YWHAE: variants seen among roughly 807,000 people sequenced by gnomAD.
YWHAE encodes the protein tyrosine 3-monooxygenase/tryptophan 5-monooxygenase activation protein epsilon.
A neutral mutation model predicts 30.1 loss-of-function variants in YWHAE; 4 were observed. The ratio of observed to expected loss-of-function variants is 0.13; its 90% confidence interval spans 0.07 to 0.30. The LOEUF (loss-of-function observed/expected upper bound fraction) is 0.30. Among genes scored for constraint, YWHAE ranks in the 10% least tolerant of loss-of-function variants. The pLI is 1.00. For missense variants in YWHAE, 121 were observed against 315.9 expected (o/e 0.38, Z 4.68); for synonymous variants, 118 against 111.8 (o/e 1.06, Z -0.35).
intron 1 of YWHAE, among the ~76,000 whole-genome samples, chr17:1,395,106 A>C (rs1175558652): frequency 1.3e-5 from 2 of 151,696 alleles, no homozygotes; most frequent in African/African-American, 2.4e-5. Flanking sequence ...AAAAAAAAAC[A>C]ATCAGGCCGG....
At chr17:1,393,785 T>C (rs539741021) in intron 1 of YWHAE, among the ~76,000 whole-genome samples, 20 of 152,286 alleles carry the variant, frequency 1.3e-4, no homozygotes, top group Admixed American at 1.2e-3. Flanking sequence ...AGGTGACATC[T>C]GCCTACAATA....
rs1343233143 is a variant in YWHAE, at chr17:1,387,773, C to A, written c.64+12274G>T. ...GAATAGCTGAGATTACAAGCGCACG[C>A]CACCACGCCCGTCTAATTTTTTGTA... On this transcript the variant is annotated intron_variant, in intron 1 of 5. Coordinates refer to ENST00000264335, the MANE Select transcript of YWHAE (RefSeq NM_006761.5). Among the ~76,000 whole-genome samples, 15 of 151,642 alleles carry A rather than the reference C, an allele frequency of 9.9e-5. No homozygotes were observed. In the East Asian group the frequency reaches 2.9e-3, roughly 29 times the overall value.
At chr17:1,387,419 CTT>C (rs2073315437) in intron 1 of YWHAE, among the ~76,000 whole-genome samples, 1 of 152,118 alleles carries the variant, frequency 6.6e-6, no homozygotes, top group Non-Finnish European at 1.5e-5. Context: ...AAGTCTGAAT[CTT>C]TTTACAGTTT....
At chr17:1,351,657 C>A (rs577422694) in intron 5 of YWHAE, among the ~76,000 whole-genome samples, 18 of 152,234 alleles carry the variant, frequency 1.2e-4, no homozygotes, top group Non-Finnish European at 1.6e-4. Context: ...GAAGAGATGG[C>A]ATCTCGTTCA....
chr17:1,356,459 T>G (rs2072744425), intron 4 of YWHAE, among the ~76,000 whole-genome samples: 1 of 152,146 alleles, frequency 6.6e-6, no homozygotes, highest in South Asian at 2.1e-4. Flanking sequence ...TGAACTAATC[T>G]CAATGGATAA....
intron 1 of YWHAE, among the ~76,000 whole-genome samples, chr17:1,395,949 T>C (rs1364338269): frequency 2.6e-5 from 4 of 151,936 alleles, no homozygotes; most frequent in Non-Finnish European, 2.9e-5. Flanking sequence ...CGAAACCCCA[T>C]CTCTACTAAA....
intron 1 of YWHAE, chr17:1,399,841 G>A: frequency 2.0e-6 from 1 of 500,278 alleles, no homozygotes; most frequent in Non-Finnish European, 3.5e-6. Context: ...CGAGTTGTTT[G>A]CAGTTAAGGA....
chr17:1,388,205 C>T (rs1480951020), intron 1 of YWHAE, among the ~76,000 whole-genome samples: 1 of 143,354 alleles, frequency 7.0e-6, no homozygotes, highest in East Asian at 2.1e-4. Context: ...TCGTGATCTG[C>T]CCTCCTCGGC....
At chr17:1,375,742 A>G (rs1434042179) in intron 1 of YWHAE, among the ~76,000 whole-genome samples, 1 of 152,220 alleles carries the variant, frequency 6.6e-6, no homozygotes, top group Non-Finnish European at 1.5e-5. Context: ...ACCACATGGA[A>G]CCAGCTTGTG....
chr17:1,353,398 A>G (rs2072670222), intron 5 of YWHAE, among the ~76,000 whole-genome samples: 1 of 145,708 alleles, frequency 6.9e-6, no homozygotes, highest in African/African-American at 2.6e-5. Context: ...AGATCGCGCC[A>G]CTGCACTCCA....
intron 1 of YWHAE, among the ~76,000 whole-genome samples, chr17:1,380,761 T>C (rs2150867835): frequency 6.6e-6 from 1 of 152,280 alleles, no homozygotes. Flanking sequence ...ACCCAGACTT[T>C]CCATTCTTAC....
chr17:1,388,582 T>C (rs1228305409), intron 1 of YWHAE, among the ~76,000 whole-genome samples: 2 of 151,502 alleles, frequency 1.3e-5, no homozygotes, highest in African/African-American at 2.4e-5. Context: ...GCCTTTTTTT[T>C]TTTTTTTTTA....
rs2072482021 is a variant in YWHAE at position 1,344,374 on chromosome 17, C to CCAGA, written c.*1069_*1072dup. 1 of 172,210 alleles carries CCAGA rather than the reference C, an allele frequency of 5.8e-6. No individual in the cohort carries two copies. The highest frequency in any genetic ancestry group is 1.3e-5 in the Non-Finnish European group (1 of 79,520). The allele number at this position is 172,210 out of a possible 1,614,324, so 10.7% of individuals were successfully genotyped here. ...TCAACTGACTCAGTGTTCTTCACAACCAGACTACAGGCAATTTTTTTCCAA... is the reference window on the plus strand; with the variant it reads ...TCAACTGACTCAGTGTTCTTCACAACCAGACAGACTACAGGCAATTTTTTTCCAA... On this transcript the variant is annotated 3_prime_UTR_variant, in exon 6 of 6. Transcript: ENST00000264335.
At chr17:1,354,117 G>A (rs2072687181) in intron 5 of YWHAE, 94 bp downstream of exon 5, 1 of 1,467,260 alleles carries the variant, frequency 6.8e-7, no homozygotes, top group East Asian at 2.3e-5. Flanking sequence ...CTAAATTCTA[G>A]CTTGATATAA....
chr17:1,377,902 A>G (rs1471349049), intron 1 of YWHAE, among the ~76,000 whole-genome samples: 4 of 152,072 alleles, frequency 2.6e-5, no homozygotes, highest in African/African-American at 9.7e-5. Flanking sequence ...TACAAAAATT[A>G]GCTGGGCATG....
At chr17:1,366,474 A>G (rs2072943644) in intron 1 of YWHAE, among the ~76,000 whole-genome samples, 2 of 151,686 alleles carry the variant, frequency 1.3e-5, no homozygotes, top group African/African-American at 4.8e-5. Context: ...GGAGGCAGAG[A>G]TTGCAACTGA....
intron 1 of YWHAE, among the ~76,000 whole-genome samples, chr17:1,368,752 G>T (rs1236037848): frequency 6.6e-6 from 1 of 152,080 alleles, no homozygotes; most frequent in Non-Finnish European, 1.5e-5. Flanking sequence ...TCAAAAATCA[G>T]CAAGTCAAAC....
chr17:1,397,492 A>T (rs1428674338), intron 1 of YWHAE, among the ~76,000 whole-genome samples: 5 of 152,216 alleles, frequency 3.3e-5, no homozygotes, highest in Admixed American at 3.3e-4. Flanking sequence ...GATAGAATTA[A>T]ATGAGGATAC....
rs1471318847 is a variant in YWHAE at position 1,352,853 on chromosome 17, G to A, written c.715+1358C>T. On this transcript the variant is annotated intron_variant, in intron 5 of 5. Coordinates refer to ENST00000264335, the MANE Select transcript of YWHAE (RefSeq NM_006761.5). ...CCTTAGAAACATTCTTAAAGGAACC[G>A]CAGCTAAAACTGACATCAGACTTTG... Among the ~76,000 whole-genome samples, 4 of 152,058 alleles carry A rather than the reference G, an allele frequency of 2.6e-5. 1 individual carries two copies.
Sources: allele counts gnomAD v4.1 joint callset (sites outside exome capture counted in the v4.1 genomes callset), GRCh38; gene constraint gnomAD v4.1.1; transcripts MANE v1.5; gene names NCBI Gene and HGNC (gene_info 2026-07-23, HGNC 2026-07-21).